ALPL: variants seen among roughly 807,000 people sequenced by gnomAD.
ALPL encodes the protein alkaline phosphatase, tissue-nonspecific isozyme.
A neutral mutation model predicts 51.3 loss-of-function variants in ALPL; 42 were observed. The ratio of observed to expected loss-of-function variants is 0.82; its 90% CI spans 0.64 to 1.06. The LOEUF is 1.06. Ranked by LOEUF, ALPL falls within the 50% of genes least tolerant of loss-of-function variation. The probability of loss-of-function intolerance (pLI) is 0.00; values close to 1 mark genes in which losing one functional copy is unlikely to be tolerated. For synonymous variants in ALPL, 279 were observed against 296.4 expected (o/e 0.94, Z 0.60); for missense variants, 589 against 709.4 (o/e 0.83, Z 1.93).
At chr1:21,562,846 C>G (rs529294523) in intron 4 of ALPL, among the ~76,000 whole-genome samples, 2 of 152,152 alleles carry the variant, frequency 1.3e-5, no homozygotes, top group Non-Finnish European at 2.9e-5. Context: ...ACCTGAGCCC[C>G]AATCTTCCGC....
intron 1 of ALPL, among the ~76,000 whole-genome samples, chr1:21,535,768 ACT>A (rs1644098042): frequency 6.6e-6 from 1 of 152,030 alleles, no homozygotes; most frequent in Admixed American, 6.6e-5. Flanking sequence ...AGTGGAACAA[ACT>A]CTCAAAGAAA....
At chr1:21,557,998 G>T (rs58530465) in intron 2 of ALPL, among the ~76,000 whole-genome samples, 2 of 152,294 alleles carry the variant, frequency 1.3e-5, no homozygotes, top group South Asian at 2.1e-4. Flanking sequence ...AGTATGTACC[G>T]ATCAGTGCCC....
At chr1:21,576,843 C>T (rs1158616789) in intron 11 of ALPL, among the ~76,000 whole-genome samples, 2 of 152,106 alleles carry the variant, frequency 1.3e-5, no homozygotes, top group Non-Finnish European at 2.9e-5. Flanking sequence ...AGCTCTGAGA[C>T]TTTGGGCATG....
chr1:21,558,246 C>T (rs1331881585), intron 2 of ALPL, among the ~76,000 whole-genome samples: 2 of 152,192 alleles, frequency 1.3e-5, no homozygotes, highest in Non-Finnish European at 2.9e-5. Flanking sequence ...AGAGGCTGGG[C>T]TGAACAAGGG....
intron 1 of ALPL, among the ~76,000 whole-genome samples, chr1:21,552,893 TCCCAGTGAAACTC>T (rs923597035): frequency 2.0e-5 from 3 of 152,202 alleles, no homozygotes; most frequent in Admixed American, 2.0e-4. Context: ...CAATAACATT[TCCCAGTGAAACTC>T]TTGCCACTTA....
chr1:21,570,233 G>A lies in ALPL; in HGVS notation c.793-72G>A, dbSNP rs918046627. 1.1e-5 allele frequency: 16 copies of A among 1,483,270 alleles called. No individual in the cohort carries two copies. In the Admixed American group the frequency reaches 1.2e-4, roughly 12 times the overall value. 91.9% of individuals were successfully genotyped at this position (1,483,270 alleles called of 1,614,324 possible). A position where few individuals can be genotyped will look rare whatever the true frequency, so the allele number is the denominator to read the frequency against. ...GAAACAAGTAAAGGCCTCAGACTCTGATAGCTGCTGGGGTCAGTCCTTCCG... is the reference window on the plus strand; with the variant it reads ...GAAACAAGTAAAGGCCTCAGACTCTAATAGCTGCTGGGGTCAGTCCTTCCG... On this transcript the variant is annotated intron_variant, in intron 7 of 11. Coordinates refer to ENST00000374840, the MANE Select transcript of ALPL (RefSeq NM_000478.6).
intron 11 of ALPL, 50 bp from the exon 12 acceptor site, chr1:21,577,324 TGCGTGCGCA>T (rs1644750817): frequency 6.2e-7 from 1 of 1,611,634 alleles, no homozygotes; most frequent in Non-Finnish European, 8.5e-7. Context: ...ATGGAAAAGC[TGCGTGCGCA>T]GCGCCAGGCC....
At chr1:21,509,097 G>T (rs77354647), upstream of ALPL, among the ~76,000 whole-genome samples, 1,553 of 152,144 alleles carry the variant, frequency 0.01, 22 homozygotes, top group African/African-American at 0.035. This position sits in a 1 kb window ranked among gnomAD's most constrained non-coding sequence, Gnocchi z 6.0. Context: ...AACAGGAGAC[G>T]CGCGCAAGGA....
At chr1:21,522,546 T>A (rs1288905784) in intron 1 of ALPL, among the ~76,000 whole-genome samples, 1 of 152,084 alleles carries the variant, frequency 6.6e-6, no homozygotes, top group Non-Finnish European at 1.5e-5. Context: ...GTGTTCCAAA[T>A]AACATAATAT....
At chr1:21,541,646 A>G (rs2148112966) in intron 1 of ALPL, among the ~76,000 whole-genome samples, 1 of 152,288 alleles carries the variant, frequency 6.6e-6, no homozygotes, top group Middle Eastern at 3.4e-3. Context: ...AATTTCACCA[A>G]GGGCTTCATG....
intron 1 of ALPL, among the ~76,000 whole-genome samples, chr1:21,527,959 G>A (rs1375368455): frequency 1.3e-5 from 2 of 151,106 alleles, no homozygotes; most frequent in Non-Finnish European, 2.9e-5. Flanking sequence ...TAAGTGTTCT[G>A]TTTTTTGCTA....
chr1:21,568,005 A>G, intron 6 of ALPL, 99 bp from the exon 7 acceptor site: 1 of 1,547,276 alleles, frequency 6.5e-7, no homozygotes, highest in East Asian at 2.3e-5. Context: ...TGTCCACACC[A>G]TCTCCAGGGA....
intron 1 of ALPL, among the ~76,000 whole-genome samples, chr1:21,548,345 C>T (rs1644279359): frequency 6.6e-6 from 1 of 152,218 alleles, no homozygotes; most frequent in South Asian, 2.1e-4. Context: ...TCTCCTTGTC[C>T]TGAGCGGAGG....
intron 2 of ALPL, among the ~76,000 whole-genome samples, chr1:21,555,810 G>A (rs932758977): frequency 1.3e-5 from 2 of 151,766 alleles, no homozygotes; most frequent in East Asian, 1.9e-4. Flanking sequence ...TCTCTCTGTC[G>A]CCCAGGCTGG....
chr1:21,560,496 TG>T (rs774406504), intron 2 of ALPL, 129 bp from the exon 3 acceptor site: 3 of 1,201,870 alleles, frequency 2.5e-6, no homozygotes, highest in Non-Finnish European at 3.5e-6. Flanking sequence ...GTTGTCTGGG[TG>T]GGCAACTATT....
At chr1:21,541,409 C>T (rs1644182495) in intron 1 of ALPL, among the ~76,000 whole-genome samples, 2 of 152,220 alleles carry the variant, frequency 1.3e-5, no homozygotes, top group South Asian at 4.1e-4. Flanking sequence ...GATCAGAATC[C>T]AGGCAGCCTG....
intron 1 of ALPL, among the ~76,000 whole-genome samples, chr1:21,553,701 G>T (rs1006651617): frequency 6.6e-6 from 1 of 152,228 alleles, no homozygotes; most frequent in Non-Finnish European, 1.5e-5. Flanking sequence ...GAGGTAGGGG[G>T]CTTCAGATGA....
intron 7 of ALPL, among the ~76,000 whole-genome samples, chr1:21,569,228 A>G (rs1056760159): frequency 4.6e-5 from 7 of 152,156 alleles, no homozygotes; most frequent in Non-Finnish European, 1.0e-4. Context: ...CAAGCCAGAG[A>G]GACACCAGCC....
Position 21,577,592 on chromosome 1 carries a change from G to A in ALPL, c.1519G>A (p.Ala507Thr). The A allele has an allele frequency of 1.2e-6, 2 of 1,601,828 alleles. No homozygotes were observed. The highest frequency in any genetic ancestry group is 8.5e-7 in the Non-Finnish European group (1 of 1,179,728). ...CAPASSAGSL[A>T]AGPLLLALAL... ...TCCTGCCAGCTCGGCAGGCAGCCTT[G>A]CTGCAGGCCCCCTGCTGCTCGCGCT... The change falls in exon 12 of 12, where the codon GCT (alanine) becomes ACT (threonine). Residue 507 changes from alanine (A) to threonine (T), a missense_variant. Ala to Thr is a moderately conservative substitution (Grantham distance 58, BLOSUM62 0). Transcript: ENST00000374840.
Sources: gnomAD v4.1 joint callset for allele counts (sites outside exome capture counted in the v4.1 genomes callset) on GRCh38, gnomAD v4.1.1 for gene constraint, Gnocchi (gnomAD v3.1) non-coding constraint, MANE v1.5 for transcripts, NCBI Gene and HGNC (gene_info 2026-07-23, HGNC 2026-07-21) for gene names.